Variants in LUZP2 observed in about 807,000 individuals in gnomAD.
LUZP2 encodes the protein leucine zipper protein 2.
Under a neutral mutation model 51.6 loss-of-function variants are expected in LUZP2, and 52 were observed. The ratio of observed to expected loss-of-function variants is 1.01; its 90% CI spans 0.81 to 1.27. The LOEUF is 1.27. LUZP2 is among the 50% of genes most tolerant of loss of function. The pLI is 0.00. For missense variants in LUZP2, 436 were observed against 395.4 expected (o/e 1.10, Z -0.87); for synonymous variants, 154 against 137.3 (o/e 1.12, Z -0.85).
intron 7 of LUZP2, among the ~76,000 whole-genome samples, chr11:24,964,137 G>A (rs913955878): frequency 6.6e-6 from 1 of 152,132 alleles, no homozygotes; most frequent in Non-Finnish European, 1.5e-5. Context: ...AGTGTGCCAG[G>A]ATTCCCTTTT....
chr11:24,617,075 C>T (rs562391612), intron 1 of LUZP2, among the ~76,000 whole-genome samples: 2 of 152,270 alleles, frequency 1.3e-5, no homozygotes, highest in East Asian at 3.9e-4. Flanking sequence ...AATTCTATCG[C>T]TTGTTAAAAC....
chr11:24,864,620 T>G (rs1851833997), intron 5 of LUZP2, among the ~76,000 whole-genome samples: 1 of 152,190 alleles, frequency 6.6e-6, no homozygotes, highest in Non-Finnish European at 1.5e-5. Context: ...GTCAGATACA[T>G]TAGGTGATTC....
intron 9 of LUZP2, among the ~76,000 whole-genome samples, chr11:25,018,447 A>C (rs1388887149): frequency 1.3e-5 from 2 of 152,004 alleles, no homozygotes; most frequent in Non-Finnish European, 2.9e-5. Context: ...ATTATTTAGA[A>C]TTCTCTCATA....
chr11:24,856,244 C>T (rs529625299), intron 5 of LUZP2, among the ~76,000 whole-genome samples: 1 of 151,812 alleles, frequency 6.6e-6, no homozygotes, highest in East Asian at 1.9e-4. Flanking sequence ...AACTTAACAA[C>T]AAGAAACAAC....
chr11:24,786,360 C>T, intron 5 of LUZP2: 1 of 982,514 alleles, frequency 1.0e-6, no homozygotes, highest in African/African-American at 1.8e-5. Context: ...CTAATAAATA[C>T]ATTCCTGACC....
chr11:24,613,727 T>C (rs952541357), intron 1 of LUZP2, among the ~76,000 whole-genome samples: 3 of 151,828 alleles, frequency 2.0e-5, no homozygotes, highest in African/African-American at 4.8e-5. Flanking sequence ...TAACATGAAG[T>C]TATTATTTTT....
chr11:24,769,869 T>C (rs896976483), intron 5 of LUZP2, among the ~76,000 whole-genome samples: 2 of 151,764 alleles, frequency 1.3e-5, no homozygotes, highest in Admixed American at 1.3e-4. Flanking sequence ...CATGGCTCAC[T>C]GCAACCTCCG....
intron 1 of LUZP2, among the ~76,000 whole-genome samples, chr11:24,659,671 A>G (rs1433409882): frequency 6.6e-6 from 1 of 152,164 alleles, no homozygotes; most frequent in East Asian, 1.9e-4. Flanking sequence ...TTTTAAATAC[A>G]TAAAATATGC....
At chr11:24,840,001 G>A (rs1199734506) in intron 5 of LUZP2, among the ~76,000 whole-genome samples, 3 of 151,684 alleles carry the variant, frequency 2.0e-5, no homozygotes, top group Non-Finnish European at 4.4e-5. Flanking sequence ...AAAAGGAAAA[G>A]TGGTTTGCTG....
chr11:24,601,860 ATATG>A (rs1853650057), intron 1 of LUZP2, among the ~76,000 whole-genome samples: 1 of 138,052 alleles, frequency 7.2e-6, no homozygotes, highest in African/African-American at 2.6e-5. Flanking sequence ...ATATATATAT[ATATG>A]TGTATATGTA....
chr11:24,992,914 T>C (rs1856391267), intron 9 of LUZP2, among the ~76,000 whole-genome samples: 1 of 152,136 alleles, frequency 6.6e-6, no homozygotes, highest in Admixed American at 6.6e-5. Flanking sequence ...TCTTGTTCCT[T>C]TATCCAGAAA....
At chr11:24,836,578 A>G (rs1850865284) in intron 5 of LUZP2, among the ~76,000 whole-genome samples, 1 of 151,806 alleles carries the variant, frequency 6.6e-6, no homozygotes, top group Non-Finnish European at 1.5e-5. Flanking sequence ...CCACAGAATG[A>G]TCTCTCTGGT....
chr11:24,527,565 TCTCACA>T (rs1234878265), intron 1 of LUZP2, among the ~76,000 whole-genome samples: 62 of 124,760 alleles, frequency 5.0e-4, no homozygotes, highest in African/African-American at 1.3e-3. Flanking sequence ...TCTCTCTCTC[TCTCACA>T]CACACACACA....
At chr11:24,722,784 G>C (rs527858954) in intron 1 of LUZP2, among the ~76,000 whole-genome samples, 1 of 151,916 alleles carries the variant, frequency 6.6e-6, no homozygotes, top group African/African-American at 2.4e-5. Context: ...GGGCGTGGGG[G>C]TGCATGCCTG....
chr11:24,856,787 G>A (rs1389163881), intron 5 of LUZP2, among the ~76,000 whole-genome samples: 1 of 151,962 alleles, frequency 6.6e-6, no homozygotes, highest in Non-Finnish European at 1.5e-5. Flanking sequence ...TATGTCTTTT[G>A]CAGCAACATT....
chr11:24,961,021 G>C lies in LUZP2; in HGVS notation c.523-15570G>C, dbSNP rs557567759. ...CGTTATGTACCCAGTAGTCATTCAGGAGCAGGTTGTTCAGTTTCCATGTAG... is the reference window on the plus strand; with the variant it reads ...CGTTATGTACCCAGTAGTCATTCAGCAGCAGGTTGTTCAGTTTCCATGTAG... On this transcript the variant is annotated intron_variant, in intron 7 of 11. Coordinates refer to ENST00000336930, the MANE Select transcript of LUZP2 (RefSeq NM_001009909.4). Among the ~76,000 whole-genome samples, 5 of 152,166 alleles carry C rather than the reference G, an allele frequency of 3.3e-5. No individual in the cohort carries two copies. In the East Asian group the frequency reaches 9.6e-4, roughly 29 times the overall value.
At chr11:24,579,817 T>TA (rs532773255) in intron 1 of LUZP2, among the ~76,000 whole-genome samples, 21 of 152,230 alleles carry the variant, frequency 1.4e-4, no homozygotes, top group African/African-American at 4.8e-4. Context: ...TCATGTCCAA[T>TA]ACTAACTGAT....
At chr11:25,015,439 T>G (rs1857121687) in intron 9 of LUZP2, among the ~76,000 whole-genome samples, 1 of 152,222 alleles carries the variant, frequency 6.6e-6, no homozygotes, top group African/African-American at 2.4e-5. Context: ...CCTTTTCCTA[T>G]TTTAGGATCT....
chr11:24,636,864 G>A (rs1347511878), intron 1 of LUZP2, among the ~76,000 whole-genome samples: 1 of 151,678 alleles, frequency 6.6e-6, no homozygotes, highest in African/African-American at 2.4e-5. Context: ...AAAGAACAGA[G>A]GGCAAACAGA....
Sources: gnomAD v4.1 joint callset for allele counts (sites outside exome capture counted in the v4.1 genomes callset) on GRCh38, gnomAD v4.1.1 for gene constraint, MANE v1.5 for transcripts, NCBI Gene and HGNC (gene_info 2026-07-23, HGNC 2026-07-21) for gene names.